The following PCDH19 variants were observed in gnomAD, a reference collection of about 807,000 sequenced individuals.
PCDH19 encodes protocadherin-19.
PCDH19 carries 6 observed loss-of-function variants against 46.2 expected under a neutral mutation model. The ratio of observed to expected loss-of-function variants is 0.13; its 90% CI spans 0.07 to 0.26. PCDH19 has a LOEUF of 0.26. Among genes scored for constraint, PCDH19 ranks in the 10% least tolerant of loss-of-function variants. PCDH19 has a pLI of 1.00. For missense variants in PCDH19, 740 were observed against 972.3 expected, an observed-to-expected ratio of 0.76 and a Z score of 3.18; for synonymous variants, 481 against 415.7, an observed-to-expected ratio of 1.16 and a Z score of -1.91.
rs573415448 is a variant in PCDH19, at chrX:100,349,846, A to G, written c.2675+800T>C. ...CTTCTTTGCTCAGTTTCCACCTTTT[A>G]GAGGGCTTCCCAAACCCCTTGTCCT... On this transcript the variant is annotated intron_variant, in intron 4 of 5. Transcript: ENST00000373034. Among the ~76,000 whole-genome samples the G allele has an allele frequency of 2.3e-4, 26 of 112,527 alleles. No homozygotes were observed. The South Asian group carries it at 9.5e-3, about 41-fold the overall frequency.
intron 3 of PCDH19, among the ~76,000 whole-genome samples, chrX:100,392,506 ACT>A (rs1412547882): frequency 8.9e-6 from 1 of 112,467 alleles, no homozygotes; most frequent in Non-Finnish European, 1.9e-5. Flanking sequence ...TACGAATGCC[ACT>A]GTGTTCTCTC....
In PCDH19 at chrX:100,341,980, C is replaced by G; in HGVS notation, c.2771G>C (p.Ser924Thr). 1.7e-6 allele frequency: 2 copies of G among 1,207,768 alleles called. No individual in the cohort carries two copies. Among genetic ancestry groups the G allele is most frequent in the Non-Finnish European group, 2.2e-6 (2 of 891,828 alleles). The change falls in exon 5 of 6, where the codon AGC (serine) becomes ACC (threonine). Residue 924 changes from serine to threonine, a missense_variant. Transcript: ENST00000373034. ...GTTGACAGCAGTATCACAATACAGG[C>G]TCCGCTGGACATCATGCTCACTGTC... ...QTDSEHDVQR[S>T]LYCDTAVNDV...
chrX:100,363,227 C>G (rs189543287), intron 3 of PCDH19, among the ~76,000 whole-genome samples: 1 of 109,498 alleles, frequency 9.1e-6, no homozygotes, highest in Admixed American at 9.7e-5. Context: ...TCGCTTGAAC[C>G]CGGGAGGCAG....
intron 5 of PCDH19, among the ~76,000 whole-genome samples, chrX:100,337,283 C>A (rs1376022669): frequency 8.9e-6 from 1 of 111,769 alleles, no homozygotes; most frequent in Non-Finnish European, 1.9e-5. Context: ...AAGCTCAGCA[C>A]CAAATTGCCT....
intron 5 of PCDH19, among the ~76,000 whole-genome samples, chrX:100,318,449 T>C (rs903226555): frequency 1.8e-5 from 2 of 112,153 alleles, no homozygotes; most frequent in Non-Finnish European, 3.8e-5. Context: ...AGCCTTATCA[T>C]TTGACCATGT....
At chrX:100,322,844 TATATATATATA>T (rs1479616467) in intron 5 of PCDH19, among the ~76,000 whole-genome samples, 1 of 56,646 alleles carries the variant, frequency 1.8e-5, no homozygotes, top group Non-Finnish European at 3.3e-5. Context: ...TATATATATA[TATATATATATA>T]TATATATATA....
rs780142773 is a variant in PCDH19, at chrX:100,322,886, G to A, written c.2848+19017C>T. Among the ~76,000 whole-genome samples, 7 of 71,034 alleles carry A rather than the reference G, an allele frequency of 9.9e-5. No individual in the cohort carries two copies. In the South Asian group the frequency reaches 4.2e-3, roughly 43 times the overall value. 61.7% of individuals were successfully genotyped at this position (71,034 alleles called of 115,157 possible). A position where few individuals can be genotyped will look rare whatever the true frequency, so the allele number is the denominator to read the frequency against. Reference sequence around the variant, plus strand: ...ATATATTTTTGCAGCTATTGTAAAAGGGGTTGAGTTCTTGATTTGATTCTC... The same window carrying A: ...ATATATTTTTGCAGCTATTGTAAAAAGGGTTGAGTTCTTGATTTGATTCTC... On this transcript the variant is annotated intron_variant, in intron 5 of 5. Transcript: ENST00000373034.
intron 5 of PCDH19, among the ~76,000 whole-genome samples, chrX:100,322,894 G>A (rs1360660148): frequency 2.4e-5 from 2 of 82,325 alleles, no homozygotes; most frequent in African/African-American, 1.1e-4. Flanking sequence ...AAGGGGTTGA[G>A]TTCTTGATTT....
chrX:100,371,282 G>A (rs1927216656), intron 3 of PCDH19, among the ~76,000 whole-genome samples: 1 of 111,237 alleles, frequency 9.0e-6, no homozygotes, highest in Non-Finnish European at 1.9e-5. Flanking sequence ...GCTGTGTATT[G>A]GCCTCCATAT....
At chrX:100,389,996 T>C (rs1205789579) in intron 3 of PCDH19, among the ~76,000 whole-genome samples, 2 of 56,049 alleles carry the variant, frequency 3.6e-5, no homozygotes, top group Non-Finnish European at 9.1e-5. Context: ...TTTTGTCATA[T>C]AGTGGGAAAT....
intron 3 of PCDH19, among the ~76,000 whole-genome samples, chrX:100,375,663 T>A (rs1927356383): frequency 8.9e-6 from 1 of 111,856 alleles, no homozygotes; most frequent in Non-Finnish European, 1.9e-5. Context: ...CCTTGAGGAA[T>A]CGCCACAATG....
intron 3 of PCDH19, among the ~76,000 whole-genome samples, chrX:100,370,920 G>T (rs980218785): frequency 7.2e-5 from 8 of 110,428 alleles, no homozygotes; most frequent in Non-Finnish European, 1.5e-4. Flanking sequence ...TTCTAAGCCA[G>T]TTTTCTAGCA....
At chrX:100,325,046 A>AAAAAAC (rs1419686453) in intron 5 of PCDH19, among the ~76,000 whole-genome samples, 1 of 110,720 alleles carries the variant, frequency 9.0e-6, no homozygotes, top group African/African-American at 3.3e-5. Context: ...GAAGGGAACA[A>AAAAAAC]AAAAACAAAA....
intron 5 of PCDH19, among the ~76,000 whole-genome samples, chrX:100,328,722 C>T (rs1170918839): frequency 1.8e-5 from 2 of 112,019 alleles, no homozygotes; most frequent in Non-Finnish European, 3.8e-5. Context: ...ATACCAACTA[C>T]AGAACCAACT....
chrX:100,345,587 C>T (rs1325358296), intron 4 of PCDH19, among the ~76,000 whole-genome samples: 1 of 111,438 alleles, frequency 9.0e-6, no homozygotes, highest in Non-Finnish European at 1.9e-5. Context: ...AAAAATTGAT[C>T]ATCTTTTTCA....
At chrX:100,371,350 T>G (rs1424622026) in intron 3 of PCDH19, among the ~76,000 whole-genome samples, 1 of 111,669 alleles carries the variant, frequency 9.0e-6, no homozygotes, top group Non-Finnish European at 1.9e-5. Flanking sequence ...TTGCAAGTAA[T>G]TATCTGTGTA....
Position 100,322,508 on chromosome X carries a change from C to T in PCDH19, c.2848+19395G>A, listed in dbSNP as rs1925524787. 4.5e-5 allele frequency among the ~76,000 whole-genome samples: 5 copies of T among 110,398 alleles called. No homozygotes were observed. The Admixed American group carries it at 4.8e-4, about 11-fold the overall frequency. Reference sequence around the variant, plus strand: ...AGCTTGAAATCAGGTAGTGTGATTCCTCCAGATTTGTTTTTTTGTTTTTTG... The same window carrying T: ...AGCTTGAAATCAGGTAGTGTGATTCTTCCAGATTTGTTTTTTTGTTTTTTG... On this transcript the variant is annotated intron_variant, in intron 5 of 5. Coordinates refer to ENST00000373034, the MANE Select transcript of PCDH19 (RefSeq NM_001184880.2).
Position 100,409,713 on chromosome X carries a change from C to CCGCCGA in PCDH19, c.-1117_-1116insTCGGCG. ...GGCTGGGGTGTCGCTCCAAGGTCCG[C>CCGCCGA]CGCCGCCGCCGCCGCCGCCGCCGCC... is the stretch of plus-strand genomic sequence containing the variant. On this transcript the variant is annotated 5_prime_UTR_variant, in exon 1 of 6. Coordinates refer to ENST00000373034, the MANE Select transcript of PCDH19 (RefSeq NM_001184880.2). 4.4e-6 allele frequency: 1 copy of CCGCCGA among 226,370 alleles called. No individual in the cohort carries two copies. Among genetic ancestry groups the CCGCCGA allele is most frequent in the Non-Finnish European group, 7.6e-6 (1 of 131,737 alleles). 18.7% of individuals were successfully genotyped at this position (226,370 alleles called of 1,213,427 possible).
chrX:100,333,181 GAGAGAAAGAA>G (rs1388946712), intron 5 of PCDH19, among the ~76,000 whole-genome samples: 1 of 62,488 alleles, frequency 1.6e-5, no homozygotes, highest in African/African-American at 6.3e-5. Context: ...AAGGGAGAGA[GAGAGAAAGAA>G]AGAAAGAAAG....
Sources: allele counts gnomAD v4.1 joint callset (sites outside exome capture counted in the v4.1 genomes callset), GRCh38; gene constraint gnomAD v4.1.1; transcripts MANE v1.5; gene names NCBI Gene and HGNC (gene_info 2026-07-23, HGNC 2026-07-21).